Variants in ZSWIM8 observed in about 807,000 individuals in gnomAD.
ZSWIM8 encodes the protein zinc finger SWIM domain-containing protein 8.
ZSWIM8 carries 27 observed loss-of-function variants against 173.7 expected under a neutral mutation model. The observed-to-expected ratio is 0.16, with a 90% confidence interval of 0.11 to 0.21. ZSWIM8 has a LOEUF of 0.21. Among genes scored for constraint, ZSWIM8 ranks in the 10% least tolerant of loss-of-function variants. ZSWIM8 has a pLI of 1.00. For synonymous variants in ZSWIM8, 958 were observed against 962.0 expected, an observed-to-expected ratio of 1.00 and a Z score of 0.08; for missense variants, 1,627 against 2,428.8, an observed-to-expected ratio of 0.67 and a Z score of 6.94.
chr10:73,800,388 G>A lies in ZSWIM8; in HGVS notation c.4918G>A (p.Gly1640Ser), dbSNP rs1431424125. The A allele has an allele frequency of 1.2e-6, 2 of 1,613,904 alleles. No homozygotes were observed. The highest frequency in any genetic ancestry group is 8.5e-7 in the Non-Finnish European group (1 of 1,179,882). ...TTQPSPLVSG[G>S]FPPPEEETHS... Reference sequence around the variant, plus strand: ...ACAGCCCAGCCCTCTGGTGAGCGGAGGTTTTCCACCGCCCGAGGAGGAGAC... The same window carrying A: ...ACAGCCCAGCCCTCTGGTGAGCGGAAGTTTTCCACCGCCCGAGGAGGAGAC... Residue 1640 changes from glycine to serine, a missense_variant, in exon 23 of 26, where the codon GGT (glycine) becomes AGT (serine). This residue lies in a region of ZSWIM8 where 275 missense variants were observed against 290.1 expected (regional missense o/e 0.95). Coordinates refer to ENST00000604729, the MANE Select transcript of ZSWIM8 (RefSeq NM_001367799.1). This position sits in a 1 kb window ranked among gnomAD's most constrained non-coding sequence, Gnocchi z 4.1.
In ZSWIM8 at chr10:73,789,132, G is replaced by A; in HGVS notation, c.399G>A (p.Glu133=). ...YSCLANGSAD[E]FQRGDQLFRM... ...GCCTGGCCAATGGCAGTGCGGATGA[G>A]TTTCAGCGAGGGGATCAGCTCTTCC... Residue 133 remains glutamate (E), a synonymous_variant, in exon 3 of 26, where the codon GAG becomes GAA. Coordinates refer to ENST00000604729, the MANE Select transcript of ZSWIM8 (RefSeq NM_001367799.1). This position sits in a 1 kb window ranked among gnomAD's most constrained non-coding sequence, Gnocchi z 6.8. 1 of 1,614,040 alleles carries A rather than the reference G, an allele frequency of 6.2e-7. No individual in the cohort carries two copies. Among genetic ancestry groups the A allele is most frequent in the Non-Finnish European group, 8.5e-7 (1 of 1,179,876 alleles).
At position 73,797,192 on chromosome 10, in the gene ZSWIM8, C is replaced by A; in HGVS notation, c.3354C>A (p.Ser1118Arg). 1.2e-6 allele frequency: 2 copies of A among 1,613,964 alleles called. No homozygotes were observed. Among genetic ancestry groups the A allele is most frequent in the Non-Finnish European group, 1.7e-6 (2 of 1,179,874 alleles). ...CAAGGCCAGAAGGGAAGGTTCCTAG[C>A]CGCTTGGCACTTGGCAGTCGTGGAG... Reference protein sequence around the residue: ...LTPRPEGKVPSRLALGSRGGY... With the variant: ...LTPRPEGKVPRRLALGSRGGY... Residue 1118 changes from serine (S) to arginine (R), a missense_variant, in exon 17 of 26, where the codon AGC becomes AGA. Physicochemically the swap from Ser to Arg is moderately radical, Grantham distance 110 (BLOSUM62 -1). Coordinates refer to ENST00000604729, the MANE Select transcript of ZSWIM8 (RefSeq NM_001367799.1). This position sits in a 1 kb window ranked among gnomAD's most constrained non-coding sequence, Gnocchi z 5.6.
Position 73,797,690 on chromosome 10 carries a change from G to T in ZSWIM8, c.3662+85G>T. 6.4e-7 allele frequency: 1 copy of T among 1,566,522 alleles called. No homozygotes were observed. ...AGTGCAATCCAACCATTGTCTCCCA[G>T]CATCCTCACTTTCCCTGGTCCTTCC... On this transcript the variant is annotated intron_variant, in intron 18 of 25. Coordinates refer to ENST00000604729, the MANE Select transcript of ZSWIM8 (RefSeq NM_001367799.1). The surrounding 1 kb of genome is among the most constrained non-coding windows in gnomAD (Gnocchi z 5.6).
In ZSWIM8 at chr10:73,792,176, G is replaced by A. The variant is rs756584153; in HGVS notation, c.1637G>A (p.Gly546Glu). The change falls in exon 10 of 26, where the codon GGG becomes GAG. Residue 546 changes from glycine to glutamate, a missense_variant. Physicochemically the swap from Gly to Glu is moderately conservative, Grantham distance 98. Around this residue, in one of 18 missense-constraint regions of ZSWIM8, gnomAD observed 383 missense variants for 394.8 expected, o/e 0.97. Coordinates refer to ENST00000604729, the MANE Select transcript of ZSWIM8 (RefSeq NM_001367799.1). This position sits in a 1 kb window ranked among gnomAD's most constrained non-coding sequence, Gnocchi z 4.3. ...TEPAVRPKEP[G>E]TKRKGLGEGV... The stretch of plus-strand genomic sequence containing the variant: ...CCAGCTGTGCGGCCCAAGGAGCCTG[G>A]GACCAAGCGAAAGGGCTTGGGTGAG... 106 of 1,530,168 alleles carry A rather than the reference G, an allele frequency of 6.9e-5. No homozygotes were observed. The highest frequency in any genetic ancestry group is 9.3e-5 in the Non-Finnish European group (106 of 1,140,012). 94.8% of individuals were successfully genotyped at this position (1,530,168 alleles called of 1,614,324 possible).
chr10:73,799,222 G>C lies in ZSWIM8; in HGVS notation c.4397G>C (p.Gly1466Ala). Residue 1466 changes from glycine (G) to alanine (A), a missense_variant, in exon 21 of 26, where the codon GGG becomes GCG. Gly to Ala is a moderately conservative substitution (Grantham distance 60). Around this residue, in one of 18 missense-constraint regions of ZSWIM8, gnomAD observed 275 missense variants for 290.1 expected, o/e 0.95. Coordinates refer to ENST00000604729, the MANE Select transcript of ZSWIM8 (RefSeq NM_001367799.1). ...EAGRGMPEGR[G>A]GPGTEPVTVA... is the part of the protein sequence containing the mutation. ...GGGCGGGGTATGCCTGAGGGTAGAGGGGGCCCAGGGACTGAGCCGGTTACA... is the reference window on the plus strand; with the variant it reads ...GGGCGGGGTATGCCTGAGGGTAGAGCGGGCCCAGGGACTGAGCCGGTTACA... 1 of 1,605,868 alleles carries C rather than the reference G, an allele frequency of 6.2e-7. No individual in the cohort carries two copies. Among genetic ancestry groups the C allele is most frequent in the African/African-American group, 1.3e-5 (1 of 74,870 alleles).
At chr10:73,793,780 C>T in intron 11 of ZSWIM8, 61 bp downstream of exon 11, 1 of 1,556,042 alleles carries the variant, frequency 6.4e-7, no homozygotes, top group Non-Finnish European at 8.7e-7. Context: ...GCTCCCATGC[C>T]CCACCCCAAG....
intron 1 of ZSWIM8, among the ~76,000 whole-genome samples, chr10:73,788,384 G>A (rs1396593914): frequency 6.6e-6 from 1 of 152,202 alleles, no homozygotes; most frequent in African/African-American, 2.4e-5. Flanking sequence ...GTCCTGGAAC[G>A]CACCTGTCTG....
rs916688151 is a variant in ZSWIM8 at position 73,793,573 on chromosome 10, A to G, written c.2314-15A>G. 8 of 1,568,644 alleles carry G rather than the reference A, an allele frequency of 5.1e-6. No homozygotes were observed. The highest frequency in any genetic ancestry group is 6.9e-6 in the Non-Finnish European group (8 of 1,156,532). ...TTGGGACTTTAACCTGTCTGGTCCC[A>G]TGTCCTCCTTCCAGGTACTGTTTGC... On this transcript the variant is annotated splice_polypyrimidine_tract_variant and intron_variant, in intron 10 of 25. Transcript: ENST00000604729.
In ZSWIM8 at chr10:73,792,152, C is replaced by T; in HGVS notation, c.1613C>T (p.Pro538Leu). The change falls in exon 10 of 26, where the codon CCA (proline) becomes CTA (leucine). Residue 538 changes from proline (P) to leucine (L), a missense_variant. Coordinates refer to ENST00000604729, the MANE Select transcript of ZSWIM8 (RefSeq NM_001367799.1). The surrounding 1 kb of genome is among the most constrained non-coding windows in gnomAD (Gnocchi z 4.3). ...CGGCCCCGACCCCTTCCTACTGAGC[C>T]AGCTGTGCGGCCCAAGGAGCCTGGG... ...RDRPRPLPTE[P>L]AVRPKEPGTK... The T allele has an allele frequency of 2.0e-6, 3 of 1,529,974 alleles. No homozygotes were observed. The highest frequency in any genetic ancestry group is 1.3e-5 in the South Asian group (1 of 77,810). The allele number at this position is 1,529,974 out of a possible 1,614,324, so 94.8% of individuals were successfully genotyped here.
rs1358480136 is a variant in ZSWIM8, at chr10:73,792,344, G to C, written c.1805G>C (p.Gly602Ala). Residue 602 changes from glycine (G) to alanine (A), a missense_variant, in exon 10 of 26, where the codon GGA becomes GCA. By Grantham distance (60) the Gly-to-Ala change is moderately conservative. This residue lies in a region of ZSWIM8 where 383 missense variants were observed against 394.8 expected (regional missense o/e 0.97). Transcript: ENST00000604729. The surrounding 1 kb of genome is among the most constrained non-coding windows in gnomAD (Gnocchi z 4.3). ...GGGAGCAAGGGCTCAGCAGGTGGCG[G>C]AAGCAAGCGACGGCTGAGCAGCGAA... ...GSGSKGSAGG[G>A]SKRRLSSEDS... The C allele has an allele frequency of 1.2e-6, 2 of 1,612,414 alleles. No individual in the cohort carries two copies. The highest frequency in any genetic ancestry group is 4.5e-5 in the East Asian group (2 of 44,818).
In ZSWIM8 at chr10:73,789,355, A is replaced by G. The variant is rs746275480; in HGVS notation, c.458-12A>G. The G allele has an allele frequency of 6.4e-7, 1 of 1,552,882 alleles. No individual in the cohort carries two copies. Among genetic ancestry groups the G allele is most frequent in the Non-Finnish European group, 8.7e-7 (1 of 1,147,388 alleles). ...GACAGCACTCCCTGACCATGCCCCC[A>G]TTTCTCCCCAGGGTTCCACCTGAGT... On this transcript the variant is annotated splice_polypyrimidine_tract_variant and intron_variant, in intron 3 of 25. Transcript: ENST00000604729. This position sits in a 1 kb window ranked among gnomAD's most constrained non-coding sequence, Gnocchi z 6.8.
At chr10:73,794,487 T>A (rs962135352) in intron 13 of ZSWIM8, 54 bp from the exon 14 acceptor site, 8 of 1,573,142 alleles carry the variant, frequency 5.1e-6, no homozygotes, top group Non-Finnish European at 6.9e-6. Flanking sequence ...TCCCCTGTAT[T>A]TTTTCCCATG....
At position 73,797,081 on chromosome 10, in the gene ZSWIM8, G is replaced by C. The variant is rs766882689; in HGVS notation, c.3275-32G>C. Reference sequence around the variant, plus strand: ...CCTATGTTGAGGTCCCCTTTCCTGGGCTCATCCCAGCGTCCTGTTTTCCTC... The same window carrying C: ...CCTATGTTGAGGTCCCCTTTCCTGGCCTCATCCCAGCGTCCTGTTTTCCTC... On this transcript the variant is annotated intron_variant, in intron 16 of 25. Transcript: ENST00000604729. This position sits in a 1 kb window ranked among gnomAD's most constrained non-coding sequence, Gnocchi z 5.6. 6.2e-7 allele frequency: 1 copy of C among 1,612,982 alleles called. No homozygotes were observed. The highest frequency in any genetic ancestry group is 1.3e-5 in the African/African-American group (1 of 74,906).
At chr10:73,798,175 C>T in intron 19 of ZSWIM8, 55 bp from the exon 20 acceptor site, 2 of 1,600,346 alleles carry the variant, frequency 1.2e-6, no homozygotes, top group South Asian at 1.1e-5. Flanking sequence ...ATTATTCTCA[C>T]ACCCCAGTGG....
Position 73,792,101 on chromosome 10 carries a change from C to T in ZSWIM8, c.1562C>T (p.Ser521Phe). 6.5e-7 allele frequency: 1 copy of T among 1,532,694 alleles called. No individual in the cohort carries two copies. Among genetic ancestry groups the T allele is most frequent in the Non-Finnish European group, 8.8e-7 (1 of 1,134,814 alleles). 94.9% of individuals were successfully genotyped at this position (1,532,694 alleles called of 1,614,324 possible). ...CCCTCTCGGCCAGGTGCCTCCCGCT[C>T]TGGGGGCCTGGAGGAATCCCGGGAC... ...ALPSRPGASR[S>F]GGLEESRDRP... Residue 521 changes from serine (S) to phenylalanine (F), a missense_variant, in exon 10 of 26, where the codon TCT (serine) becomes TTT (phenylalanine). This residue lies in a region of ZSWIM8 where 383 missense variants were observed against 394.8 expected (regional missense o/e 0.97). Coordinates refer to ENST00000604729, the MANE Select transcript of ZSWIM8 (RefSeq NM_001367799.1). The surrounding 1 kb of genome is among the most constrained non-coding windows in gnomAD (Gnocchi z 4.3).
chr10:73,788,853 G>C, intron 2 of ZSWIM8, 30 bp downstream of exon 2: 2 of 1,611,376 alleles, frequency 1.2e-6, no homozygotes, highest in Non-Finnish European at 1.7e-6. Flanking sequence ...GGTGGGGAGC[G>C]GGGTCCTGAT....
In ZSWIM8 at chr10:73,799,127, T is replaced by C. The variant is rs773713570; in HGVS notation, c.4302T>C (p.Gly1434=). ...TCTGGCTGTATGAGCAAACTGCAGG[T>C]GGCTCATCCACAGCCCGTGAAGGGG... ...QWFWLYEQTA[G]GSSTAREGAT... Residue 1434 remains glycine, a synonymous_variant, in exon 21 of 26, where the codon GGT becomes GGC. Transcript: ENST00000604729. The C allele has an allele frequency of 3.7e-6, 6 of 1,613,592 alleles. No individual in the cohort carries two copies. The highest frequency in any genetic ancestry group is 4.2e-6 in the Non-Finnish European group (5 of 1,179,710).
Position 73,789,644 on chromosome 10 carries a change from C to G in ZSWIM8, c.631-73C>G. On this transcript the variant is annotated intron_variant, in intron 4 of 25. Coordinates refer to ENST00000604729, the MANE Select transcript of ZSWIM8 (RefSeq NM_001367799.1). This position sits in a 1 kb window ranked among gnomAD's most constrained non-coding sequence, Gnocchi z 6.8. ...AGCCCCCTCGCCTCGCCTACTCTGC[C>G]TCTCTGTCCCCCAGCTCCAGCTCCA... is the stretch of plus-strand genomic sequence containing the variant. The G allele has an allele frequency of 1.3e-6, 2 of 1,548,786 alleles. No homozygotes were observed. The highest frequency in any genetic ancestry group is 2.4e-5 in the East Asian group (1 of 41,558).
Position 73,800,308 on chromosome 10 carries a change from A to G in ZSWIM8, c.4838A>G (p.His1613Arg). The G allele has an allele frequency of 1.2e-6, 2 of 1,613,826 alleles. No individual in the cohort carries two copies. Among genetic ancestry groups the G allele is most frequent in the Non-Finnish European group, 1.7e-6 (2 of 1,179,800 alleles). Residue 1613 changes from histidine to arginine, a missense_variant, in exon 23 of 26, where the codon CAT becomes CGT. This residue lies in a region of ZSWIM8 where 275 missense variants were observed against 290.1 expected (regional missense o/e 0.95). Transcript: ENST00000604729. This position sits in a 1 kb window ranked among gnomAD's most constrained non-coding sequence, Gnocchi z 4.1. ...LPTSVALSSV[H>R]PASTFPAIQG... ...TCACCCCACTTAGTGAGCAGTGTCCATCCAGCATCCACGTTTCCAGCCATC... is the reference window on the plus strand; with the variant it reads ...TCACCCCACTTAGTGAGCAGTGTCCGTCCAGCATCCACGTTTCCAGCCATC...
Sources: gnomAD v4.1 joint callset for allele counts (sites outside exome capture counted in the v4.1 genomes callset) on GRCh38, gnomAD v4.1.1 for gene constraint, gnomAD v4.1.1 regional missense constraint, Gnocchi (gnomAD v3.1) non-coding constraint, MANE v1.5 for transcripts, NCBI Gene and HGNC (gene_info 2026-07-23, HGNC 2026-07-21) for gene names.